Variants in FGF12 observed in about 807,000 individuals in gnomAD.
FGF12 encodes the protein fibroblast growth factor 12B.
Under a neutral mutation model 23.6 loss-of-function variants are expected in FGF12, and 14 were observed. That is an observed-to-expected ratio of 0.59 (90% CI 0.39 to 0.93). FGF12 has a LOEUF of 0.93. Among genes scored for constraint, FGF12 ranks in the 40% least tolerant of loss-of-function variants. The pLI, the probability that FGF12 is intolerant of heterozygous loss-of-function variation, is 0.00. For missense variants in FGF12, 175 were observed against 217.8 expected (o/e 0.80, Z 1.24); for synonymous variants, 62 against 77.3 (o/e 0.80, Z 1.04).
At chr3:192,630,554 A>ATTTTTTTT (rs10695787) in intron 2 of FGF12, among the ~76,000 whole-genome samples, 2 of 140,346 alleles carry the variant, frequency 1.4e-5, no homozygotes, top group East Asian at 4.2e-4. Context: ...AAAAAATTCA[A>ATTTTTTTT]TTTTTTTTTT....
At chr3:192,356,260 G>A (rs1233288613) in intron 3 of FGF12, among the ~76,000 whole-genome samples, 3 of 152,120 alleles carry the variant, frequency 2.0e-5, no homozygotes, top group Non-Finnish European at 4.4e-5. Context: ...ATCTGCTTCA[G>A]TATCTCCAGT....
chr3:192,148,272 T>C lies in FGF12; in HGVS notation c.428-4145A>G, dbSNP rs575078074. On this transcript the variant is annotated intron_variant, in intron 5 of 5. Transcript: ENST00000445105. Reference sequence around the variant, plus strand: ...GGCCTATACATATAATGAAATATTATTCAGCCTAAAAAACAAAATTCTGAC... The same window carrying C: ...GGCCTATACATATAATGAAATATTACTCAGCCTAAAAAACAAAATTCTGAC... Among the ~76,000 whole-genome samples the C allele has an allele frequency of 2.0e-5, 3 of 152,344 alleles. No individual in the cohort carries two copies. The South Asian group carries it at 6.2e-4, about 32-fold the overall frequency.
chr3:192,550,353 A>G (rs551789234), intron 2 of FGF12, among the ~76,000 whole-genome samples: 1 of 150,058 alleles, frequency 6.7e-6, no homozygotes, highest in East Asian at 1.9e-4. Context: ...GCATACATAT[A>G]TAATAGATTA....
chr3:192,664,592 T>TAAAAA (rs1716787466), intron 2 of FGF12, among the ~76,000 whole-genome samples: 1 of 31,116 alleles, frequency 3.2e-5, no homozygotes, highest in Non-Finnish European at 7.2e-5. Context: ...CTACTAAAAA[T>TAAAAA]ACAAAAAAAA....
intron 3 of FGF12, among the ~76,000 whole-genome samples, chr3:192,358,779 C>T (rs985130090): frequency 1.3e-5 from 2 of 152,048 alleles, no homozygotes; most frequent in African/African-American, 2.4e-5. Flanking sequence ...TATGGCTAAT[C>T]GTCTTACTTG....
At chr3:192,567,779 T>C (rs1311999144) in intron 2 of FGF12, among the ~76,000 whole-genome samples, 1 of 135,688 alleles carries the variant, frequency 7.4e-6, no homozygotes, top group African/African-American at 2.6e-5. Context: ...CTTTCTTTCT[T>C]TCTTTCTTTC....
intron 2 of FGF12, among the ~76,000 whole-genome samples, chr3:192,697,336 T>C (rs1319920041): frequency 6.6e-6 from 1 of 152,250 alleles, no homozygotes; most frequent in Non-Finnish European, 1.5e-5. Flanking sequence ...TTTCACTTCT[T>C]GCAAACTACT....
intron 2 of FGF12, among the ~76,000 whole-genome samples, chr3:192,587,635 G>A (rs1713425070): frequency 1.3e-5 from 2 of 151,772 alleles, no homozygotes; most frequent in African/African-American, 2.4e-5. Context: ...GGGCACCATA[G>A]TGAGACCCTA....
chr3:192,687,164 C>CAAA (rs558366691), intron 2 of FGF12, among the ~76,000 whole-genome samples: 58 of 105,422 alleles, frequency 5.5e-4, no homozygotes, highest in African/African-American at 1.8e-3. Flanking sequence ...TCTCTCACAT[C>CAAA]AAAAAAAAAA....
intron 2 of FGF12, among the ~76,000 whole-genome samples, chr3:192,392,663 G>A (rs965663874): frequency 4.6e-5 from 7 of 150,888 alleles, no homozygotes; most frequent in Non-Finnish European, 8.9e-5. Flanking sequence ...AGGGAAGAAA[G>A]GAAGAAAGGA....
At chr3:192,672,592 C>T (rs73056283) in intron 2 of FGF12, among the ~76,000 whole-genome samples, 1,526 of 151,040 alleles carry the variant, frequency 0.01, 42 homozygotes, top group African/African-American at 0.035. Flanking sequence ...TTTATCAAAC[C>T]GTTGAAGTGA....
chr3:192,197,007 T>C (rs1717101448), intron 4 of FGF12, among the ~76,000 whole-genome samples: 1 of 152,216 alleles, frequency 6.6e-6, no homozygotes, highest in Non-Finnish European at 1.5e-5. Context: ...TTAGATAAGA[T>C]GTGCAGTTAC....
chr3:192,711,576 G>A (rs1718682623), intron 2 of FGF12, among the ~76,000 whole-genome samples: 1 of 152,218 alleles, frequency 6.6e-6, no homozygotes, highest in South Asian at 2.1e-4. Flanking sequence ...AGTAGACATA[G>A]GAGACTCCAT....
At chr3:192,443,928 G>A (rs1041195624) in intron 2 of FGF12, among the ~76,000 whole-genome samples, 2 of 152,150 alleles carry the variant, frequency 1.3e-5, no homozygotes, top group Admixed American at 6.5e-5. Flanking sequence ...AAGCACTGGC[G>A]CTGCAAGGTG....
At chr3:192,272,931 T>C (rs1477493000) in intron 4 of FGF12, among the ~76,000 whole-genome samples, 1 of 152,152 alleles carries the variant, frequency 6.6e-6, no homozygotes, top group Non-Finnish European at 1.5e-5. Flanking sequence ...ATGTCATCTA[T>C]CTCAACCTCC....
Position 192,237,841 on chromosome 3 carries a change from T to C in FGF12, c.229-67185A>G, listed in dbSNP as rs186122656. Among the ~76,000 whole-genome samples the C allele has an allele frequency of 8.0e-4, 122 of 152,358 alleles. 1 individual carries two copies. The highest frequency in any genetic ancestry group is 2.5e-3 in the African/African-American group (104 of 41,588). ...TGTATCTGTAATTTCAGCAATTTCA[T>C]TCTGGTTAAGAACCATTGCTGGGGA... On this transcript the variant is annotated intron_variant, in intron 4 of 5. Transcript: ENST00000445105.
intron 4 of FGF12, among the ~76,000 whole-genome samples, chr3:192,260,223 G>A (rs766223239): frequency 1.8e-4 from 27 of 146,462 alleles, no homozygotes; most frequent in Non-Finnish European, 8.9e-5. Flanking sequence ...ACCATACCAG[G>A]GTAGTTTAGG....
At chr3:192,473,367 C>T (rs1723226885) in intron 2 of FGF12, among the ~76,000 whole-genome samples, 1 of 152,128 alleles carries the variant, frequency 6.6e-6, no homozygotes, top group African/African-American at 2.4e-5. Context: ...CTTGCCATCC[C>T]TTATCATGAG....
chr3:192,301,847 G>A (rs1417240563), intron 4 of FGF12, among the ~76,000 whole-genome samples: 1 of 152,084 alleles, frequency 6.6e-6, no homozygotes, highest in Non-Finnish European at 1.5e-5. Context: ...GAAGGGAGCA[G>A]GGAAAGAAAC....
Sources: allele counts gnomAD v4.1 joint callset (sites outside exome capture counted in the v4.1 genomes callset), GRCh38; gene constraint gnomAD v4.1.1; transcripts MANE v1.5; gene names NCBI Gene and HGNC (gene_info 2026-07-23, HGNC 2026-07-21).